EXD3: variants seen among roughly 807,000 people sequenced by gnomAD.
EXD3 encodes the protein exonuclease 3'-5' domain containing 3, also known as exonuclease mut-7 homolog.
In EXD3, 92 loss-of-function variants were observed where a neutral mutation model predicts 98.0. The ratio of observed to expected loss-of-function variants is 0.94; its 90% CI spans 0.79 to 1.12. The LOEUF (loss-of-function observed/expected upper bound fraction) is 1.12. Ranked by LOEUF, EXD3 falls within the 50% of genes most tolerant of loss-of-function variation. EXD3 has a pLI of 0.00. For synonymous variants in EXD3, 569 were observed against 526.0 expected, an observed-to-expected ratio of 1.08 and a Z score of -1.12; for missense variants, 1,222 against 1,191.6, an observed-to-expected ratio of 1.03 and a Z score of -0.38.
At chr9:137,386,248 T>G (rs1836585062) in intron 2 of EXD3, among the ~76,000 whole-genome samples, 1 of 152,046 alleles carries the variant, frequency 6.6e-6, no homozygotes, top group Non-Finnish European at 1.5e-5. Flanking sequence ...GAGCCCTGAT[T>G]GTGCCACTGC....
In EXD3 at chr9:137,362,206, C is replaced by T. The variant is rs1298631410; in HGVS notation, c.656+4287G>A. 2.6e-5 allele frequency among the ~76,000 whole-genome samples: 4 copies of T among 152,066 alleles called. No homozygotes were observed. In the East Asian group the frequency reaches 7.7e-4, roughly 29 times the overall value. On this transcript the variant is annotated intron_variant, in intron 7 of 21. Coordinates refer to ENST00000340951, the MANE Select transcript of EXD3 (RefSeq NM_017820.5). ...TGATACCAAAAGTAAAAATATATTA[C>T]AAGAAAAGACAATGACAGACCAAGA...
intron 5 of EXD3, among the ~76,000 whole-genome samples, chr9:137,369,685 GC>G (rs1486929427): frequency 1.3e-5 from 2 of 152,240 alleles, no homozygotes; most frequent in African/African-American, 4.8e-5. Flanking sequence ...ACCCCTCTGA[GC>G]CCAAGAAGGC....
chr9:137,318,771 C>T (rs115614086), intron 19 of EXD3, among the ~76,000 whole-genome samples: 18 of 152,264 alleles, frequency 1.2e-4, no homozygotes, highest in African/African-American at 4.3e-4. Flanking sequence ...ACCAGAAAGC[C>T]GGCACCAGCA....
At position 137,388,459 on chromosome 9, in the gene EXD3, C is replaced by A. The variant is rs376484737; in HGVS notation, c.56-5082G>T. ...GGCTGCCTTCACCTTGAGACACAGA[C>A]GCACGCGGGAAACTGTGGGCTGTGG... is the stretch of plus-strand genomic sequence containing the variant. On this transcript the variant is annotated intron_variant, in intron 2 of 21. Coordinates refer to ENST00000340951, the MANE Select transcript of EXD3 (RefSeq NM_017820.5). Among the ~76,000 whole-genome samples, 37 of 152,322 alleles carry A rather than the reference C, an allele frequency of 2.4e-4. No individual in the cohort carries two copies. In the East Asian group the frequency reaches 5.2e-3, roughly 21 times the overall value.
At chr9:137,382,170 C>CGGAGGAGGTGAGGGCGCGG (rs544150774) in intron 3 of EXD3, among the ~76,000 whole-genome samples, 43 of 106,702 alleles carry the variant, frequency 4.0e-4, no homozygotes, top group Admixed American at 6.5e-4. Flanking sequence ...TGGGAGCATG[C>CGGAGGAGGTGAGGGCGCGG]GGAGGAGGTG....
At chr9:137,381,579 C>T (rs960577832) in intron 3 of EXD3, among the ~76,000 whole-genome samples, 1 of 152,170 alleles carries the variant, frequency 6.6e-6, no homozygotes, top group Non-Finnish European at 1.5e-5. Context: ...GCCCGTCTCC[C>T]AGGCTGCTCT....
chr9:137,329,063 AG>A (rs755439647), intron 17 of EXD3, among the ~76,000 whole-genome samples: 2 of 5,192 alleles, frequency 3.9e-4, no homozygotes, highest in African/African-American at 1.1e-3. Flanking sequence ...GCTACACGGG[AG>A]CTACACGGGA....
intron 19 of EXD3, among the ~76,000 whole-genome samples, chr9:137,315,391 C>T (rs1043651482): frequency 1.3e-5 from 2 of 152,236 alleles, no homozygotes; most frequent in Non-Finnish European, 2.9e-5. Context: ...ACCGCCACCG[C>T]CGGAGAGACC....
chr9:137,406,525 C>T (rs1485517201), intron 1 of EXD3, among the ~76,000 whole-genome samples: 3 of 152,144 alleles, frequency 2.0e-5, no homozygotes, highest in African/African-American at 7.2e-5. Flanking sequence ...TGCTCTTGGC[C>T]AACACTCCTG....
chr9:137,421,920 T>C (rs1185281450), intron 1 of EXD3, among the ~76,000 whole-genome samples: 1 of 152,134 alleles, frequency 6.6e-6, no homozygotes, highest in East Asian at 1.9e-4. Context: ...ATGGAACAGG[T>C]TTGTTTTTTT....
chr9:137,354,604 T>A (rs1834511190), intron 9 of EXD3, 96 bp downstream of exon 9: 1 of 1,570,600 alleles, frequency 6.4e-7, no homozygotes, highest in East Asian at 2.3e-5. Context: ...ACTTGATATG[T>A]CTGTGCACCC....
At chr9:137,374,516 T>C (rs1419763807) in intron 3 of EXD3, 1 of 979,200 alleles carries the variant, frequency 1.0e-6, no homozygotes, top group Non-Finnish European at 1.2e-6. Flanking sequence ...TGAAAGCACT[T>C]GCTCCGGCGA....
chr9:137,383,851 G>T (rs778865820), intron 2 of EXD3, among the ~76,000 whole-genome samples: 4 of 146,710 alleles, frequency 2.7e-5, no homozygotes, highest in Non-Finnish European at 6.0e-5. Flanking sequence ...CTCCAGCCCC[G>T]CCTGGGAGGC....
At chr9:137,354,579 C>A (rs770855137) in intron 9 of EXD3, 121 bp downstream of exon 9, 1 of 1,545,212 alleles carries the variant, frequency 6.5e-7, no homozygotes, top group Non-Finnish European at 8.7e-7. Context: ...AGCTCTGGGG[C>A]AAGAAGCAGC....
intron 8 of EXD3, among the ~76,000 whole-genome samples, chr9:137,355,555 A>AGGAGGAT (rs1834652116): frequency 4.5e-5 from 2 of 44,824 alleles, no homozygotes; most frequent in Non-Finnish European, 5.0e-5. Flanking sequence ...GGAAGGAGGA[A>AGGAGGAT]GGAGGAAGGG....
At chr9:137,413,263 T>A (rs912751481) in intron 1 of EXD3, among the ~76,000 whole-genome samples, 1 of 151,700 alleles carries the variant, frequency 6.6e-6, no homozygotes, top group Non-Finnish European at 1.5e-5. Flanking sequence ...TGCAGTGGCG[T>A]GATCTTGGCT....
chr9:137,371,051 C>T lies in EXD3; in HGVS notation c.462+1854G>A, dbSNP rs995792588. 3.9e-5 allele frequency among the ~76,000 whole-genome samples: 6 copies of T among 152,168 alleles called. No homozygotes were observed. The highest frequency in any genetic ancestry group is 1.4e-4 in the African/African-American group (6 of 41,454). On this transcript the variant is annotated intron_variant, in intron 5 of 21. Coordinates refer to ENST00000340951, the MANE Select transcript of EXD3 (RefSeq NM_017820.5). This position sits in a 1 kb window ranked among gnomAD's most constrained non-coding sequence, Gnocchi z 8.0. ...GCATCGCCTGCCGGGCGGCCCCGCT[C>T]GGGGACAATGGCTTTCTTCGCAGAA...
At chr9:137,415,642 C>G (rs1320221583) in intron 1 of EXD3, among the ~76,000 whole-genome samples, 1 of 152,206 alleles carries the variant, frequency 6.6e-6, no homozygotes, top group African/African-American at 2.4e-5. Flanking sequence ...GTCAGGTGGC[C>G]CATGGGCTCT....
intron 20 of EXD3, among the ~76,000 whole-genome samples, chr9:137,308,376 C>T (rs1334390708): frequency 6.6e-6 from 1 of 152,186 alleles, no homozygotes; most frequent in South Asian, 2.1e-4. Flanking sequence ...GGCCATGACC[C>T]TCATCTGGCC....
Sources: gnomAD v4.1 joint callset for allele counts (sites outside exome capture counted in the v4.1 genomes callset) on GRCh38, gnomAD v4.1.1 for gene constraint, Gnocchi (gnomAD v3.1) non-coding constraint, MANE v1.5 for transcripts, NCBI Gene and HGNC (gene_info 2026-07-23, HGNC 2026-07-21) for gene names.